Variants in CDS1 observed in about 807,000 individuals in gnomAD.
CDS1 encodes the protein phosphatidate cytidylyltransferase 1.
A neutral mutation model predicts 62.1 loss-of-function variants in CDS1; 41 were observed. The ratio of observed to expected loss-of-function variants is 0.66; its 90% CI spans 0.51 to 0.86. The LOEUF (loss-of-function observed/expected upper bound fraction) is 0.86. Among genes scored for constraint, CDS1 ranks in the 40% least tolerant of loss-of-function variants. CDS1 has a pLI of 0.00. For missense variants in CDS1, 470 were observed against 550.1 expected (o/e 0.85, Z 1.46); for synonymous variants, 185 against 192.6 (o/e 0.96, Z 0.32).
chr4:84,641,278 C>G (rs1724376725), intron 10 of CDS1, among the ~76,000 whole-genome samples: 1 of 152,124 alleles, frequency 6.6e-6, no homozygotes, highest in Non-Finnish European at 1.5e-5. Flanking sequence ...GTTGGCCAAT[C>G]TGGTCTCAAA....
intron 5 of CDS1, among the ~76,000 whole-genome samples, chr4:84,620,323 C>T (rs907907141): frequency 2.7e-5 from 4 of 149,648 alleles, no homozygotes; most frequent in South Asian, 2.1e-4. Context: ...CCCAGGTCCA[C>T]GCCATACTCC....
chr4:84,613,989 C>T (rs1039663959), intron 3 of CDS1, among the ~76,000 whole-genome samples: 8 of 152,078 alleles, frequency 5.3e-5, no homozygotes, highest in Non-Finnish European at 8.8e-5. Flanking sequence ...TGTTAACCAC[C>T]AAAATGCAGT....
At chr4:84,609,573 AT>A (rs1386642169) in intron 3 of CDS1, 48 bp downstream of exon 3, 1 of 1,028,536 alleles carries the variant, frequency 9.7e-7, no homozygotes. Flanking sequence ...GTTTTTCAAC[AT>A]TTATATAGGA....
At chr4:84,619,309 C>A (rs1723599907) in intron 4 of CDS1, 85 bp from the exon 5 acceptor site, 1 of 642,106 alleles carries the variant, frequency 1.6e-6, no homozygotes, top group Non-Finnish European at 2.5e-6. Context: ...ATCTTTGTGT[C>A]ATCAGAATGT....
intron 12 of CDS1, 125 bp from the exon 13 acceptor site, chr4:84,648,432 A>G: frequency 2.4e-6 from 2 of 836,952 alleles, no homozygotes; most frequent in Non-Finnish European, 3.7e-6. Flanking sequence ...ATCAAGAGCT[A>G]TTTTAATTCT....
In CDS1 at chr4:84,606,929, C is replaced by G. The variant is rs563907322; in HGVS notation, c.246-2500C>G. Among the ~76,000 whole-genome samples the G allele has an allele frequency of 5.3e-5, 8 of 152,284 alleles. No individual in the cohort carries two copies. The South Asian group carries it at 1.2e-3, about 24-fold the overall frequency. On this transcript the variant is annotated intron_variant, in intron 2 of 12. Transcript: ENST00000295887. ...CTCTGACTAGATTTGCGACCTAGCC[C>G]AGTTTTCTAATCCATCCATTAATCC...
chr4:84,628,368 A>G (rs1723919536), intron 5 of CDS1, among the ~76,000 whole-genome samples: 1 of 152,096 alleles, frequency 6.6e-6, no homozygotes, highest in South Asian at 2.1e-4. Context: ...TATCTTATTC[A>G]TTTTTGCATC....
chr4:84,633,970 G>T, intron 7 of CDS1, 31 bp downstream of exon 7: 1 of 1,267,390 alleles, frequency 7.9e-7, no homozygotes, highest in Non-Finnish European at 1.1e-6. Context: ...TGCTTTATAA[G>T]TATGTCATAG....
intron 12 of CDS1, among the ~76,000 whole-genome samples, chr4:84,646,404 G>A (rs1304836613): frequency 1.3e-5 from 2 of 151,650 alleles, no homozygotes; most frequent in Non-Finnish European, 2.9e-5. Flanking sequence ...CTGGAGATAA[G>A]CTTAGATTAT....
chr4:84,648,217 G>T (rs748039276), intron 12 of CDS1, among the ~76,000 whole-genome samples: 4 of 152,124 alleles, frequency 2.6e-5, no homozygotes, highest in African/African-American at 7.2e-5. Context: ...TTTCCTTACA[G>T]AATAGTTTTT....
chr4:84,629,148 G>A (rs530694000), intron 5 of CDS1, among the ~76,000 whole-genome samples: 5 of 151,950 alleles, frequency 3.3e-5, no homozygotes, highest in Non-Finnish European at 5.9e-5. Context: ...AAAAGTGACC[G>A]TTTCCACAGA....
At chr4:84,583,934 C>T (rs1722337478) in intron 1 of CDS1, among the ~76,000 whole-genome samples, 1 of 152,110 alleles carries the variant, frequency 6.6e-6, no homozygotes, top group East Asian at 1.9e-4. Flanking sequence ...GACGTGCCAC[C>T]GTCGGCTGTA....
At chr4:84,623,962 GT>G (rs1471790301) in intron 5 of CDS1, among the ~76,000 whole-genome samples, 1 of 152,038 alleles carries the variant, frequency 6.6e-6, no homozygotes, top group Non-Finnish European at 1.5e-5. Flanking sequence ...GGAGCCAGGT[GT>G]TTCAAGAGGC....
Position 84,632,336 on chromosome 4 carries a change from A to C in CDS1, c.639+459A>C, listed in dbSNP as rs117989322. On this transcript the variant is annotated intron_variant, in intron 6 of 12. Transcript: ENST00000295887. ...ATTGTGTAATTCTTTTTGGCATAAG[A>C]TATTTTGTTCAATGTACCAAAGCCT... is the stretch of plus-strand genomic sequence containing the variant. 2.1e-4 allele frequency among the ~76,000 whole-genome samples: 32 copies of C among 152,276 alleles called. No individual in the cohort carries two copies. In the East Asian group the frequency reaches 6.2e-3, roughly 29 times the overall value.
intron 5 of CDS1, among the ~76,000 whole-genome samples, chr4:84,624,911 AG>A (rs1723809532): frequency 6.6e-6 from 1 of 151,870 alleles, no homozygotes; most frequent in African/African-American, 2.4e-5. Context: ...CCCAGGCTGG[AG>A]TGCAGTGGCG....
rs897892004 is a variant in CDS1, at chr4:84,583,312, G to C, written c.-90G>C. ...GCGGGACTCCAGGGCGCGGCTGCGAGGTGGCGGGGCGCCCCGCCTGCAGAA... is the reference window on the plus strand; with the variant it reads ...GCGGGACTCCAGGGCGCGGCTGCGACGTGGCGGGGCGCCCCGCCTGCAGAA... On this transcript the variant is annotated 5_prime_UTR_variant, in exon 1 of 13. Transcript: ENST00000295887. The C allele has an allele frequency of 2.8e-5, 26 of 927,482 alleles. No homozygotes were observed. The highest frequency in any genetic ancestry group is 4.1e-5 in the Non-Finnish European group (25 of 606,438). 57.5% of individuals were successfully genotyped at this position (927,482 alleles called of 1,614,324 possible).
At chr4:84,592,698 A>G (rs1196620306) in intron 1 of CDS1, among the ~76,000 whole-genome samples, 1 of 152,224 alleles carries the variant, frequency 6.6e-6, no homozygotes, top group East Asian at 1.9e-4. Context: ...GTGGACTCTT[A>G]TCTATGGAAA....
Position 84,626,610 on chromosome 4 carries a change from A to G in CDS1, c.581-5209A>G, listed in dbSNP as rs546788049. On this transcript the variant is annotated intron_variant, in intron 5 of 12. Coordinates refer to ENST00000295887, the MANE Select transcript of CDS1 (RefSeq NM_001263.4). The stretch of plus-strand genomic sequence containing the variant: ...TCTACAGATATACTTTAAAAATGCA[A>G]CCTCATAGTAAGCTAGGAGCTACTC... 2.6e-5 allele frequency among the ~76,000 whole-genome samples: 4 copies of G among 152,258 alleles called. No homozygotes were observed. In the South Asian group the frequency reaches 8.3e-4, roughly 32 times the overall value.
rs760782069 is a variant in CDS1 at position 84,619,478 on chromosome 4, A to G, written c.525A>G (p.Gln175=). The change falls in exon 5 of 13, where the codon CAA becomes CAG. Residue 175 remains glutamine (Q), a synonymous_variant. Transcript: ENST00000295887. ...YFATFVQREE[Q]LQFLIRYHRF... ...CTACATTTGTTCAAAGAGAAGAACA[A>G]CTTCAGTTCCTCATTCGCTACCATA... The G allele has an allele frequency of 1.6e-5, 25 of 1,604,554 alleles. No homozygotes were observed. Among genetic ancestry groups the G allele is most frequent in the Non-Finnish European group, 2.1e-5 (25 of 1,173,498 alleles).
Sources: gnomAD v4.1 joint callset for allele counts (sites outside exome capture counted in the v4.1 genomes callset) on GRCh38, gnomAD v4.1.1 for gene constraint, MANE v1.5 for transcripts, NCBI Gene and HGNC (gene_info 2026-07-23, HGNC 2026-07-21) for gene names.